The following CSNK1G2 variants were observed in gnomAD, a reference collection of about 807,000 sequenced individuals.
The protein encoded by CSNK1G2 is casein kinase I isoform gamma-2.
A neutral mutation model predicts 48.0 loss-of-function variants in CSNK1G2; 11 were observed. That is an observed-to-expected ratio of 0.23 (90% CI 0.14 to 0.38). The LOEUF is 0.38. Ranked by LOEUF, CSNK1G2 falls within the 10% of genes least tolerant of loss-of-function variation. The pLI, the probability that CSNK1G2 is intolerant of heterozygous loss-of-function variation, is 1.00. For synonymous variants in CSNK1G2, 337 were observed against 254.1 expected (o/e 1.33, Z -3.10); for missense variants, 446 against 595.5 (o/e 0.75, Z 2.61).
intron 1 of CSNK1G2, chr19:1,942,496 G>A (rs1037816074): frequency 6.6e-6 from 1 of 152,316 alleles, no homozygotes. Flanking sequence ...GCGCCGGGGC[G>A]GTCCACAAGG....
rs917769449 is a variant in CSNK1G2, at chr19:1,979,414, C to T, written c.853+11C>T. On this transcript the variant is annotated intron_variant, in intron 8 of 11. Coordinates refer to ENST00000255641, the MANE Select transcript of CSNK1G2 (RefSeq NM_001319.7). The stretch of plus-strand genomic sequence containing the variant: ...GCGAGAACTTCCCAGGTAAGGGGTC[C>T]CTGCGCCCCCGCCCTGTGCCCCCCA... 6.4e-6 allele frequency: 10 copies of T among 1,552,456 alleles called. No homozygotes were observed. Among genetic ancestry groups the T allele is most frequent in the African/African-American group, 5.5e-5 (4 of 73,336 alleles).
At chr19:1,975,321 C>T (rs1478499961) in intron 2 of CSNK1G2, 1 of 985,382 alleles carries the variant, frequency 1.0e-6, no homozygotes, top group African/African-American at 1.7e-5. Flanking sequence ...GCTTGTCCTC[C>T]TCAGCCTGGG....
chr19:1,960,991 C>T (rs537136791), intron 1 of CSNK1G2, among the ~76,000 whole-genome samples: 1 of 152,360 alleles, frequency 6.6e-6, no homozygotes, highest in African/African-American at 2.4e-5. Context: ...GGTGGCTCAT[C>T]CAGGTGTGGG....
In CSNK1G2 at chr19:1,965,656, A is replaced by G. The variant is rs1345340681; in HGVS notation, c.-265-3852A>G. 2.0e-5 allele frequency among the ~76,000 whole-genome samples: 3 copies of G among 151,962 alleles called. 1 individual carries two copies. In the East Asian group the frequency reaches 5.8e-4, roughly 30 times the overall value. ...GCTGGGGCTACAGGTGCGTGCCACC[A>G]TGCCCAGCTAATTTTTATATTTTTT... On this transcript the variant is annotated intron_variant, in intron 1 of 11. Coordinates refer to ENST00000255641, the MANE Select transcript of CSNK1G2 (RefSeq NM_001319.7).
At chr19:1,956,415 G>A (rs2015000946) in intron 1 of CSNK1G2, among the ~76,000 whole-genome samples, 1 of 152,224 alleles carries the variant, frequency 6.6e-6, no homozygotes, top group African/African-American at 2.4e-5. Context: ...TACCTGGGAG[G>A]ATGAGGCGGG....
At chr19:1,970,137 G>A (rs1468439779) in intron 2 of CSNK1G2, among the ~76,000 whole-genome samples, 178 bp downstream of exon 2, 2 of 152,240 alleles carry the variant, frequency 1.3e-5, no homozygotes, top group African/African-American at 2.4e-5. Flanking sequence ...ACTTCCCTTC[G>A]AGGAGGTTCT....
chr19:1,956,000 G>A (rs539661690), intron 1 of CSNK1G2, among the ~76,000 whole-genome samples: 4 of 152,306 alleles, frequency 2.6e-5, no homozygotes, highest in East Asian at 1.9e-4. Context: ...GAGCAGGGTC[G>A]GCACACAGCC....
chr19:1,979,116 G>T, intron 6 of CSNK1G2, 23 bp downstream of exon 6: 1 of 1,580,794 alleles, frequency 6.3e-7, no homozygotes, highest in Admixed American at 1.8e-5. Context: ...CGCGCGGCGG[G>T]GGGCGGGCGC....
At chr19:1,953,069 G>A (rs747512732) in intron 1 of CSNK1G2, 14 of 397,804 alleles carry the variant, frequency 3.5e-5, no homozygotes, top group African/African-American at 2.4e-4. Context: ...TTCCACGGCC[G>A]TTCATGGTTA....
intron 1 of CSNK1G2, among the ~76,000 whole-genome samples, chr19:1,963,713 G>A (rs2015275149): frequency 6.6e-6 from 1 of 151,562 alleles, no homozygotes; most frequent in Admixed American, 6.6e-5. Flanking sequence ...TCACCATGTT[G>A]GCCGTGCTGG....
chr19:1,967,066 C>T (rs367948218), intron 1 of CSNK1G2, among the ~76,000 whole-genome samples: 5 of 151,982 alleles, frequency 3.3e-5, no homozygotes, highest in Middle Eastern at 3.4e-3. Context: ...TTAGACACAA[C>T]GCTACTGCAC....
chr19:1,970,322 C>T (rs545567107), intron 2 of CSNK1G2, among the ~76,000 whole-genome samples: 1 of 152,382 alleles, frequency 6.6e-6, no homozygotes, highest in African/African-American at 2.4e-5. Flanking sequence ...CAGGTGCCTG[C>T]CCGGCACTCA....
chr19:1,966,097 C>T (rs2015357760), intron 1 of CSNK1G2, among the ~76,000 whole-genome samples: 1 of 152,226 alleles, frequency 6.6e-6, no homozygotes, highest in Admixed American at 6.5e-5. Context: ...CCGCAGCCGC[C>T]CATGACTCTC....
intron 2 of CSNK1G2, among the ~76,000 whole-genome samples, chr19:1,971,004 G>A (rs535044638): frequency 2.0e-5 from 3 of 152,342 alleles, no homozygotes; most frequent in African/African-American, 4.8e-5. Context: ...GCCCAGGGGC[G>A]CAGGAGCATG....
At chr19:1,951,927 G>T (rs139050843) in intron 1 of CSNK1G2, among the ~76,000 whole-genome samples, 1 of 152,124 alleles carries the variant, frequency 6.6e-6, no homozygotes, top group Non-Finnish European at 1.5e-5. Flanking sequence ...TGATCCACCC[G>T]CCTCGGCCTT....
In CSNK1G2 at chr19:1,973,374, C is replaced by G. The variant is rs139258748; in HGVS notation, c.187+3415C>G. 2.0e-5 allele frequency among the ~76,000 whole-genome samples: 3 copies of G among 152,234 alleles called. No individual in the cohort carries two copies. The East Asian group carries it at 5.8e-4, about 29-fold the overall frequency. ...TAGATGAGATTACAGGTGCCTGCCA[C>G]CACGCCCAGCTAAATTTTTGTATTT... is the stretch of plus-strand genomic sequence containing the variant. On this transcript the variant is annotated intron_variant, in intron 2 of 11. Coordinates refer to ENST00000255641, the MANE Select transcript of CSNK1G2 (RefSeq NM_001319.7).
At chr19:1,971,462 C>T (rs528587970) in intron 2 of CSNK1G2, among the ~76,000 whole-genome samples, 117 of 152,350 alleles carry the variant, frequency 7.7e-4, no homozygotes, top group African/African-American at 2.6e-3. Context: ...CTCCCAACCC[C>T]GTGTGTGTGT....
Position 1,978,836 on chromosome 19 carries a change from G to A in CSNK1G2, c.448-23G>A, listed in dbSNP as rs1446644574. 1 of 1,593,944 alleles carries A rather than the reference G, an allele frequency of 6.3e-7. No individual in the cohort carries two copies. Among genetic ancestry groups the A allele is most frequent in the Non-Finnish European group, 8.5e-7 (1 of 1,173,242 alleles). ...GCGTGGGACGGGGAGGGGCCCGGCC[G>A]ACACCGCCGTGCCCCCCTGCAGATC... On this transcript the variant is annotated intron_variant, in intron 5 of 11. Coordinates refer to ENST00000255641, the MANE Select transcript of CSNK1G2 (RefSeq NM_001319.7). This position sits in a 1 kb window ranked among gnomAD's most constrained non-coding sequence, Gnocchi z 7.3.
At chr19:1,971,356 C>T (rs887971427) in intron 2 of CSNK1G2, among the ~76,000 whole-genome samples, 5 of 152,334 alleles carry the variant, frequency 3.3e-5, no homozygotes, top group South Asian at 4.1e-4. Context: ...GCTTGGGCCA[C>T]GAAGCCTCAC....
Sources: gnomAD v4.1 joint callset for allele counts (sites outside exome capture counted in the v4.1 genomes callset) on GRCh38, gnomAD v4.1.1 for gene constraint, Gnocchi (gnomAD v3.1) non-coding constraint, MANE v1.5 for transcripts, NCBI Gene and HGNC (gene_info 2026-07-23, HGNC 2026-07-21) for gene names.